WDPCP: variants seen among roughly 807,000 people sequenced by gnomAD.
WDPCP encodes WD repeat containing planar cell polarity effector, also known as WD repeat-containing and planar cell polarity effector protein fritz homolog.
A neutral mutation model predicts 93.1 loss-of-function variants in WDPCP; 71 were observed. The ratio of observed to expected loss-of-function variants is 0.76; its 90% CI spans 0.63 to 0.93. The LOEUF (loss-of-function observed/expected upper bound fraction) is 0.93. Among genes scored for constraint, WDPCP ranks in the 40% least tolerant of loss-of-function variants. WDPCP has a pLI of 0.00. For missense variants in WDPCP, 844 were observed against 887.4 expected, an observed-to-expected ratio of 0.95 and a Z score of 0.62; for synonymous variants, 315 against 315.0, an observed-to-expected ratio of 1.00 and a Z score of 0.00.
intron 2 of WDPCP, among the ~76,000 whole-genome samples, chr2:63,674,439 G>A (rs889199646): frequency 1.3e-5 from 2 of 152,172 alleles, no homozygotes; most frequent in Non-Finnish European, 2.9e-5. Flanking sequence ...AGTGAAATAA[G>A]CCAGGCACAG....
intron 14 of WDPCP, among the ~76,000 whole-genome samples, chr2:63,194,455 G>A (rs1675271456): frequency 6.6e-6 from 1 of 152,116 alleles, no homozygotes; most frequent in Non-Finnish European, 1.5e-5. Flanking sequence ...GCCTTCCTGT[G>A]TAAGAAATAC....
intron 1 of WDPCP, among the ~76,000 whole-genome samples, chr2:63,504,256 A>G (rs1701728011): frequency 6.6e-6 from 1 of 151,586 alleles, no homozygotes; most frequent in African/African-American, 2.4e-5. Context: ...TAAAATACCT[A>G]CTAAATGCAC....
At chr2:63,587,133 C>G (rs942533016) in intron 1 of WDPCP, among the ~76,000 whole-genome samples, 2 of 152,126 alleles carry the variant, frequency 1.3e-5, no homozygotes, top group African/African-American at 4.8e-5. Flanking sequence ...CTCAGAGAAC[C>G]TAGGTTTGAG....
At chr2:63,501,374 G>T (rs1701537522) in intron 1 of WDPCP, among the ~76,000 whole-genome samples, 1 of 152,036 alleles carries the variant, frequency 6.6e-6, no homozygotes, top group Admixed American at 6.6e-5. Flanking sequence ...GATCAGCCTG[G>T]GCAACATAGT....
At chr2:63,622,960 G>C (rs1045837916) in intron 3 of WDPCP, 1 of 757,520 alleles carries the variant, frequency 1.3e-6, no homozygotes, top group African/African-American at 1.7e-5. Flanking sequence ...AGTCACCACC[G>C]CACGGCGCCC....
intron 13 of WDPCP, among the ~76,000 whole-genome samples, chr2:63,305,522 A>AG (rs1685663116): frequency 6.6e-6 from 1 of 152,174 alleles, no homozygotes; most frequent in African/African-American, 2.4e-5. Context: ...TCAACAAAAA[A>AG]GACGTCCACA....
At chr2:63,681,074 C>A (rs1465261370) in intron 2 of WDPCP, among the ~76,000 whole-genome samples, 2 of 152,070 alleles carry the variant, frequency 1.3e-5, no homozygotes, top group African/African-American at 2.4e-5. Context: ...TGGGTGAGAC[C>A]GAGATGTACC....
At chr2:63,653,727 A>G (rs915907628) in intron 2 of WDPCP, among the ~76,000 whole-genome samples, 1 of 152,192 alleles carries the variant, frequency 6.6e-6, no homozygotes, top group Non-Finnish European at 1.5e-5. Context: ...CCGGGCCAAC[A>G]GGGCGAAACC....
chr2:63,594,778 G>A, intron 3 of WDPCP: 1 of 502,634 alleles, frequency 2.0e-6, no homozygotes, highest in Non-Finnish European at 3.6e-6. Context: ...AAAACACTTT[G>A]CAAATGAGAA....
At chr2:63,793,168 T>C (rs1670567715) in intron 2 of WDPCP, among the ~76,000 whole-genome samples, 1 of 152,072 alleles carries the variant, frequency 6.6e-6, no homozygotes, top group Non-Finnish European at 1.5e-5. Flanking sequence ...CAGAGTACAG[T>C]GTCTATTTGC....
chr2:63,188,853 C>A (rs540690591), intron 14 of WDPCP, among the ~76,000 whole-genome samples: 34 of 152,238 alleles, frequency 2.2e-4, no homozygotes, highest in African/African-American at 7.7e-4. Flanking sequence ...GGTCCCGTTT[C>A]TTTGTATGCC....
chr2:63,299,517 C>T lies in WDPCP; in HGVS notation c.1812+13731G>A, dbSNP rs1355330676. 5.3e-5 allele frequency among the ~76,000 whole-genome samples: 8 copies of T among 152,274 alleles called. No homozygotes were observed. In the East Asian group the frequency reaches 1.5e-3, roughly 29 times the overall value. On this transcript the variant is annotated intron_variant, in intron 13 of 17. Coordinates refer to ENST00000272321, the MANE Select transcript of WDPCP (RefSeq NM_015910.7). ...GGTCCAAGCATCAAATGGAGCTCTGCAATCAAGGGGCTATTAGTTCATGTG... is the reference window on the plus strand; with the variant it reads ...GGTCCAAGCATCAAATGGAGCTCTGTAATCAAGGGGCTATTAGTTCATGTG...
At chr2:63,194,058 C>T (rs1675234906) in intron 14 of WDPCP, among the ~76,000 whole-genome samples, 1 of 152,112 alleles carries the variant, frequency 6.6e-6, no homozygotes, top group South Asian at 2.1e-4. Flanking sequence ...CACATACTTT[C>T]ATTTTTAAAT....
At chr2:63,799,510 A>G (rs1338515160) in intron 2 of WDPCP, among the ~76,000 whole-genome samples, 1 of 152,188 alleles carries the variant, frequency 6.6e-6, no homozygotes, top group African/African-American at 2.4e-5. Flanking sequence ...CAACCACTCA[A>G]TAGTAGCCTC....
rs568813953 is a variant in WDPCP, at chr2:63,556,267, G to C, written c.75+31930C>G. ...AATTTCAGAGCTTGAAGACTATCTT[G>C]CTGAAATAAGAAAGGCAGACAAGAT... On this transcript the variant is annotated intron_variant, in intron 1 of 17. Coordinates refer to ENST00000272321, the MANE Select transcript of WDPCP (RefSeq NM_015910.7). Among the ~76,000 whole-genome samples, 12 of 152,284 alleles carry C rather than the reference G, an allele frequency of 7.9e-5. No individual in the cohort carries two copies. In the East Asian group the frequency reaches 1.9e-3, roughly 24 times the overall value.
intron 6 of WDPCP, among the ~76,000 whole-genome samples, chr2:63,465,057 AT>A (rs1173474855): frequency 6.6e-6 from 1 of 152,120 alleles, no homozygotes; most frequent in Non-Finnish European, 1.5e-5. Flanking sequence ...TTTTATCACA[AT>A]AAAAAAATTA....
intron 10 of WDPCP, among the ~76,000 whole-genome samples, chr2:63,397,972 T>C (rs1693864727): frequency 1.3e-5 from 2 of 152,278 alleles, no homozygotes; most frequent in South Asian, 4.2e-4. Context: ...TCTGCTGCTG[T>C]TCCAAGATAG....
chr2:63,674,164 A>G (rs893281477), intron 2 of WDPCP, among the ~76,000 whole-genome samples: 28 of 152,214 alleles, frequency 1.8e-4, no homozygotes, highest in African/African-American at 6.8e-4. Flanking sequence ...CTCATGGATA[A>G]AAAGAACAAT....
At chr2:63,247,719 A>G (rs781644934) in intron 14 of WDPCP, among the ~76,000 whole-genome samples, 1 of 151,350 alleles carries the variant, frequency 6.6e-6, no homozygotes, top group Non-Finnish European at 1.5e-5. Flanking sequence ...AATCCAAAAT[A>G]CTTCTGGTAA....
Sources: gnomAD v4.1 joint callset for allele counts (sites outside exome capture counted in the v4.1 genomes callset) on GRCh38, gnomAD v4.1.1 for gene constraint, MANE v1.5 for transcripts, NCBI Gene and HGNC (gene_info 2026-07-23, HGNC 2026-07-21) for gene names.